The following NRG3 variants were observed in gnomAD, a reference collection of about 807,000 sequenced individuals.
NRG3 encodes the protein pro-neuregulin-3, membrane-bound isoform.
In NRG3, 31 loss-of-function variants were observed where a neutral mutation model predicts 66.9. The observed-to-expected ratio is 0.46, with a 90% CI of 0.35 to 0.63. NRG3 has a LOEUF of 0.63. Among genes scored for constraint, NRG3 ranks in the 20% least tolerant of loss-of-function variants. NRG3 has a pLI of 0.00. For synonymous variants in NRG3, 393 were observed against 359.4 expected (o/e 1.09, Z -1.06); for missense variants, 910 against 878.9 (o/e 1.04, Z -0.45).
chr10:82,569,224 A>G (rs1407164767), intron 2 of NRG3, among the ~76,000 whole-genome samples: 1 of 151,752 alleles, frequency 6.6e-6, no homozygotes, highest in Non-Finnish European at 1.5e-5. Context: ...TAATAATAAA[A>G]TTCATCATAA....
rs570989234 is a variant in NRG3 at position 82,784,030 on chromosome 10, A to G, written c.1027+45380A>G. Reference sequence around the variant, plus strand: ...CAGAGATATAGATCAATGGAACAGAACAGAGCCCTCAGAAATAATGCTGCG... The same window carrying G: ...CAGAGATATAGATCAATGGAACAGAGCAGAGCCCTCAGAAATAATGCTGCG... On this transcript the variant is annotated intron_variant, in intron 3 of 8. Coordinates refer to ENST00000372141, the MANE Select transcript of NRG3 (RefSeq NM_001010848.4). 1.4e-4 allele frequency among the ~76,000 whole-genome samples: 22 copies of G among 152,050 alleles called. No homozygotes were observed. The South Asian group carries it at 4.4e-3, about 30-fold the overall frequency.
intron 2 of NRG3, among the ~76,000 whole-genome samples, chr10:82,711,535 TTGTGTGTGTGTGTGTG>T (rs10603040): frequency 1.3e-5 from 2 of 148,290 alleles, no homozygotes; most frequent in African/African-American, 5.0e-5. Context: ...ATCTGTGTGT[TTGTGTGTGTGTGTGTG>T]TGTGTGTGTG....
At chr10:82,884,981 G>T (rs1047631729) in intron 4 of NRG3, among the ~76,000 whole-genome samples, 3 of 152,174 alleles carry the variant, frequency 2.0e-5, no homozygotes, top group African/African-American at 7.2e-5. Flanking sequence ...AGGACATACT[G>T]AGATGGGCGT....
intron 1 of NRG3, among the ~76,000 whole-genome samples, chr10:81,896,131 T>C (rs1161109340): frequency 6.6e-6 from 1 of 152,152 alleles, no homozygotes; most frequent in African/African-American, 2.4e-5. Flanking sequence ...CAATGTTGTT[T>C]ACTAGAAAGA....
chr10:82,290,894 C>T (rs965464602), intron 1 of NRG3, among the ~76,000 whole-genome samples: 8 of 151,712 alleles, frequency 5.3e-5, no homozygotes, highest in East Asian at 1.9e-4. Flanking sequence ...CTGCCCGCCT[C>T]GGCCTACCAA....
intron 4 of NRG3, among the ~76,000 whole-genome samples, chr10:82,940,827 C>T (rs1362573076): frequency 2.0e-5 from 3 of 152,092 alleles, no homozygotes; most frequent in African/African-American, 7.2e-5. Context: ...TTCCCAAAAG[C>T]CCCACCTCTT....
intron 2 of NRG3, among the ~76,000 whole-genome samples, chr10:82,363,066 A>G (rs7923739): frequency 0.14 from 20,735 of 152,194 alleles, 2,661 homozygotes; most frequent in African/African-American, 0.33. Context: ...TAAATCAGAA[A>G]CAAAATTAAA....
rs144269469 is a variant in NRG3 at position 82,388,833 on chromosome 10, A to G, written c.953+29965A>G. Reference sequence around the variant, plus strand: ...GTGTCTGAGCTGTGTCTCACAAACTAAGCTCTCCATACCATCGGCATCAAA... The same window carrying G: ...GTGTCTGAGCTGTGTCTCACAAACTGAGCTCTCCATACCATCGGCATCAAA... On this transcript the variant is annotated intron_variant, in intron 2 of 8. Transcript: ENST00000372141. 1.1e-3 allele frequency among the ~76,000 whole-genome samples: 172 copies of G among 152,324 alleles called. 1 individual carries two copies. The highest frequency in any genetic ancestry group is 3.8e-3 in the African/African-American group (157 of 41,566).
At chr10:82,119,647 G>T (rs2067958678) in intron 1 of NRG3, among the ~76,000 whole-genome samples, 2 of 151,954 alleles carry the variant, frequency 1.3e-5, no homozygotes, top group South Asian at 4.1e-4. Flanking sequence ...TGAGATTTTT[G>T]CCAAATGATA....
intron 2 of NRG3, among the ~76,000 whole-genome samples, chr10:82,483,936 G>T (rs1842482985): frequency 1.3e-5 from 2 of 152,182 alleles, no homozygotes; most frequent in Non-Finnish European, 2.9e-5. Context: ...ATATGCATTA[G>T]ATTTTAATTT....
chr10:82,693,010 C>T (rs1045593036), intron 2 of NRG3, among the ~76,000 whole-genome samples: 5 of 152,086 alleles, frequency 3.3e-5, no homozygotes, highest in Admixed American at 6.6e-5. Context: ...CTGTTTGCTG[C>T]GCTACTCGAT....
At chr10:82,743,494 A>C (rs2058515815) in intron 3 of NRG3, among the ~76,000 whole-genome samples, 1 of 152,090 alleles carries the variant, frequency 6.6e-6, no homozygotes, top group Non-Finnish European at 1.5e-5. Context: ...GAAAAGAAAA[A>C]AACAATCTTC....
intron 2 of NRG3, among the ~76,000 whole-genome samples, chr10:82,514,017 C>T (rs1238434373): frequency 6.6e-6 from 1 of 151,952 alleles, no homozygotes; most frequent in Non-Finnish European, 1.5e-5. Flanking sequence ...TGTCCTTTGC[C>T]CACTTTTTAA....
intron 2 of NRG3, among the ~76,000 whole-genome samples, chr10:82,647,516 A>T (rs2051039591): frequency 6.6e-6 from 1 of 152,196 alleles, no homozygotes; most frequent in Admixed American, 6.5e-5. Context: ...TTGGGTATAT[A>T]TCCAGTAATG....
At chr10:81,998,686 G>A (rs979049720) in intron 1 of NRG3, among the ~76,000 whole-genome samples, 8 of 152,184 alleles carry the variant, frequency 5.3e-5, no homozygotes, top group African/African-American at 1.9e-4. Flanking sequence ...CCCAATGAAT[G>A]TTAATCATCT....
At chr10:82,290,023 A>G (rs992460022) in intron 1 of NRG3, among the ~76,000 whole-genome samples, 3 of 152,200 alleles carry the variant, frequency 2.0e-5, no homozygotes, top group Admixed American at 2.0e-4. Flanking sequence ...ATGATCACTC[A>G]AAATGGATTT....
At chr10:82,791,618 T>G (rs1433365064) in intron 3 of NRG3, among the ~76,000 whole-genome samples, 1 of 152,200 alleles carries the variant, frequency 6.6e-6, no homozygotes, top group Non-Finnish European at 1.5e-5. Context: ...CCTACCCTTG[T>G]GCACAACTCT....
chr10:82,531,209 A>G (rs1847221270), intron 2 of NRG3, among the ~76,000 whole-genome samples: 3 of 151,784 alleles, frequency 2.0e-5, no homozygotes, highest in Non-Finnish European at 3.0e-5. Context: ...GAAATTTATT[A>G]TACATAAAAT....
chr10:82,845,633 A>C (rs2135787765), intron 3 of NRG3, among the ~76,000 whole-genome samples: 1 of 152,336 alleles, frequency 6.6e-6, no homozygotes, highest in African/African-American at 2.4e-5. Flanking sequence ...AGGAAAAAAA[A>C]CAAACAGAAA....
Sources: allele counts gnomAD v4.1 joint callset (sites outside exome capture counted in the v4.1 genomes callset), GRCh38; gene constraint gnomAD v4.1.1; transcripts MANE v1.5; gene names NCBI Gene and HGNC (gene_info 2026-07-23, HGNC 2026-07-21).